TAB1: variants seen among roughly 807,000 people sequenced by gnomAD.
The protein encoded by TAB1 is TGF-beta-activated kinase 1 and MAP3K7-binding protein 1.
TAB1 carries 30 observed loss-of-function variants against 54.5 expected under a neutral mutation model. That is an observed-to-expected ratio of 0.55 (90% CI 0.41 to 0.75). The LOEUF is 0.75. TAB1 is among the 30% of genes least tolerant of loss of function. The pLI is 0.00. For missense variants in TAB1, 609 were observed against 683.2 expected, an observed-to-expected ratio of 0.89 and a Z score of 1.21; for synonymous variants, 289 against 286.9, an observed-to-expected ratio of 1.01 and a Z score of -0.07.
intron 4 of TAB1, among the ~76,000 whole-genome samples, chr22:39,417,416 C>A (rs972176613): frequency 2.0e-5 from 3 of 152,124 alleles, no homozygotes; most frequent in African/African-American, 7.2e-5. Flanking sequence ...GTCAGGAGAT[C>A]AAGACCATCC....
Position 39,430,507 on chromosome 22 carries a change from G to T in TAB1, c.*285G>T. 7.6e-7 allele frequency: 1 copy of T among 1,320,090 alleles called. No individual in the cohort carries two copies. 81.8% of individuals were successfully genotyped at this position (1,320,090 alleles called of 1,614,324 possible). A position where few individuals can be genotyped will look rare whatever the true frequency, so the allele number is the denominator to read the frequency against. ...CAGAGGGCCAGGTATAGAAACCGCAGTGGGCCTGCAAGCCGCCCGAGCCTC... is the reference window on the plus strand; with the variant it reads ...CAGAGGGCCAGGTATAGAAACCGCATTGGGCCTGCAAGCCGCCCGAGCCTC... On this transcript the variant is annotated 3_prime_UTR_variant, in exon 11 of 11. Coordinates refer to ENST00000216160, the MANE Select transcript of TAB1 (RefSeq NM_006116.3).
At chr22:39,433,177 C>T (rs879445095), downstream of TAB1, 18 of 985,428 alleles carry the variant, frequency 1.8e-5, no homozygotes, top group Non-Finnish European at 2.2e-5. Flanking sequence ...CTCGGCCGGG[C>T]GCGGTGGCTC....
rs116848764 is a variant in TAB1, at chr22:39,423,994, A to G, written c.921+2023A>G. ...AACTAATGTATAGTGTTTTATCCCT[A>G]GCACCACTGCCATCCTCCCGCCTTG... On this transcript the variant is annotated intron_variant, in intron 8 of 10. Transcript: ENST00000216160. Among the ~76,000 whole-genome samples, 4 of 151,688 alleles carry G rather than the reference A, an allele frequency of 2.6e-5. No individual in the cohort carries two copies. In the East Asian group the frequency reaches 8.4e-4, roughly 32 times the overall value.
At position 39,426,141 on chromosome 22, in the gene TAB1, A is replaced by G. The variant is rs146469124; in HGVS notation, c.922-562A>G. ...CCCAAAGTGCTGGGATTACAGGCGC[A>G]AGCCACTGTGCCCGGTCAACTTATG... On this transcript the variant is annotated intron_variant, in intron 8 of 10. Transcript: ENST00000216160. 2.9e-3 allele frequency among the ~76,000 whole-genome samples: 441 copies of G among 152,302 alleles called. 3 individuals carry two copies. The highest frequency in any genetic ancestry group is 9.3e-3 in the African/African-American group (388 of 41,560).
Position 39,415,413 on chromosome 22 carries a change from T to G in TAB1, c.171-87T>G, listed in dbSNP as rs886143375. On this transcript the variant is annotated intron_variant, in intron 2 of 10. Coordinates refer to ENST00000216160, the MANE Select transcript of TAB1 (RefSeq NM_006116.3). This position sits in a 1 kb window ranked among gnomAD's most constrained non-coding sequence, Gnocchi z 4.9. ...CCCTGAAGCTGCAGCTGCTGTCGCT[T>G]TAGTCTCCCCCAATTCCTTTCCCTT... 1.3e-6 allele frequency: 2 copies of G among 1,505,826 alleles called. No homozygotes were observed. The highest frequency in any genetic ancestry group is 1.8e-6 in the Non-Finnish European group (2 of 1,097,622). The allele number at this position is 1,505,826 out of a possible 1,614,324, so 93.3% of individuals were successfully genotyped here.
chr22:39,401,560 G>A (rs925484608), intron 1 of TAB1, among the ~76,000 whole-genome samples: 26 of 152,184 alleles, frequency 1.7e-4, no homozygotes, highest in African/African-American at 5.8e-4. Flanking sequence ...AGCCACCTGG[G>A]TCATGTAGAG....
rs927523807 is a variant in TAB1, at chr22:39,417,141, C to A, written c.411+264C>A. Among the ~76,000 whole-genome samples, 3 of 152,216 alleles carry A rather than the reference C, an allele frequency of 2.0e-5. No individual in the cohort carries two copies. The East Asian group carries it at 5.8e-4, about 29-fold the overall frequency. On this transcript the variant is annotated intron_variant, in intron 4 of 10. Transcript: ENST00000216160. ...CAGTCCTTCGTCCTGAATGGGTCCC[C>A]GCCCTTGTCAACCACCTGCTCACAT...
intron 7 of TAB1, among the ~76,000 whole-genome samples, chr22:39,420,484 TC>T (rs1927020972): frequency 6.6e-6 from 1 of 152,158 alleles, no homozygotes; most frequent in African/African-American, 2.4e-5. Flanking sequence ...AAGCCAGAGT[TC>T]CCATCAACAG....
rs770587664 is a variant in TAB1, at chr22:39,415,134, C to G, written c.162C>G (p.Leu54=). Residue 54 remains leucine, a synonymous_variant, in exon 2 of 11, where the codon CTC becomes CTG. Coordinates refer to ENST00000216160, the MANE Select transcript of TAB1 (RefSeq NM_006116.3). The surrounding 1 kb of genome is among the most constrained non-coding windows in gnomAD (Gnocchi z 4.9). ...GCCACCCGCCAGAGGACAGCTGGCT[C>G]AAGTTCAGGTGTGTGTGCCAGCATT... is the stretch of plus-strand genomic sequence containing the variant. The part of the protein sequence containing the change: ...TESHPPEDSW[L]KFRSENNCFL... 5.0e-6 allele frequency: 8 copies of G among 1,589,226 alleles called. No homozygotes were observed. In the South Asian group the frequency reaches 7.9e-5, roughly 16 times the overall value.
chr22:39,424,195 A>C (rs887803053), intron 8 of TAB1, among the ~76,000 whole-genome samples: 2 of 152,234 alleles, frequency 1.3e-5, no homozygotes, highest in African/African-American at 4.8e-5. Flanking sequence ...TTACTGGCTG[A>C]GTAGTATTCC....
At chr22:39,404,760 C>G (rs556808353) in intron 1 of TAB1, among the ~76,000 whole-genome samples, 1 of 152,146 alleles carries the variant, frequency 6.6e-6, no homozygotes, top group Admixed American at 6.5e-5. Context: ...AGCTGCTGCC[C>G]TAGCACATTG....
chr22:39,410,953 T>C (rs1926580234), intron 1 of TAB1, among the ~76,000 whole-genome samples: 2 of 152,194 alleles, frequency 1.3e-5, no homozygotes, highest in Non-Finnish European at 2.9e-5. Flanking sequence ...AAAGACTTAC[T>C]ATAAAGCTAC....
chr22:39,436,369 G>T, downstream of TAB1: 1 of 748,512 alleles, frequency 1.3e-6, no homozygotes, highest in Non-Finnish European at 2.4e-6. Flanking sequence ...ATTTAACCTG[G>T]CAAAGAGTTG....
chr22:39,399,929 G>C (rs1294843118), intron 1 of TAB1, 94 bp downstream of exon 1: 5 of 1,370,986 alleles, frequency 3.6e-6, no homozygotes, highest in Non-Finnish European at 5.1e-6. Flanking sequence ...AGTTTGGACA[G>C]CCACCCTCTC....
chr22:39,430,281 T>A lies in TAB1; in HGVS notation c.*59T>A. The A allele has an allele frequency of 6.3e-7, 1 of 1,593,658 alleles. No individual in the cohort carries two copies. Among genetic ancestry groups the A allele is most frequent in the Non-Finnish European group, 8.5e-7 (1 of 1,173,640 alleles). On this transcript the variant is annotated 3_prime_UTR_variant, in exon 11 of 11. Transcript: ENST00000216160. ...GCATGGGGCAGGACAGGGTCCAGCC[T>A]TTTCCTAACATCTGCCTGTGCCACA... is the stretch of plus-strand genomic sequence containing the variant.
At chr22:39,417,620 C>CAA (rs370455919) in intron 4 of TAB1, 91 bp from the exon 5 acceptor site, 1,016 of 1,099,430 alleles carry the variant, frequency 9.2e-4, no homozygotes, top group South Asian at 1.1e-3. Flanking sequence ...GACTCCATCT[C>CAA]AAAAAAAAAA....
chr22:39,417,854 G>A lies in TAB1; in HGVS notation c.550+5G>A. ...AGCTCTACGTCGCCAATGTCGGTGA[G>A]CCCCCTCCTGTCCCAGGGCAGGGAG... is the stretch of plus-strand genomic sequence containing the variant. On this transcript the variant is annotated splice_donor_5th_base_variant and intron_variant, in intron 5 of 10. Transcript: ENST00000216160. 6.2e-7 allele frequency: 1 copy of A among 1,600,498 alleles called. No individual in the cohort carries two copies.
At chr22:39,405,537 G>A (rs1926323985) in intron 1 of TAB1, among the ~76,000 whole-genome samples, 1 of 152,176 alleles carries the variant, frequency 6.6e-6, no homozygotes, top group Non-Finnish European at 1.5e-5. Flanking sequence ...TGCTCCCTGC[G>A]CTCCAGCGCC....
intron 1 of TAB1, 85 bp downstream of exon 1, chr22:39,399,920 G>A: frequency 1.4e-6 from 2 of 1,434,524 alleles, no homozygotes; most frequent in Non-Finnish European, 1.9e-6. Flanking sequence ...CCTTCTCCGA[G>A]TTTGGACAGC....
Sources: allele counts gnomAD v4.1 joint callset (sites outside exome capture counted in the v4.1 genomes callset), GRCh38; gene constraint gnomAD v4.1.1; non-coding constraint Gnocchi (gnomAD v3.1); transcripts MANE v1.5; gene names NCBI Gene and HGNC (gene_info 2026-07-23, HGNC 2026-07-21).